KALRN: variants seen among roughly 807,000 people sequenced by gnomAD.
The protein encoded by KALRN is kalirin.
Under a neutral mutation model 353.7 loss-of-function variants are expected in KALRN, and 70 were observed. The ratio of observed to expected loss-of-function variants is 0.20; its 90% CI spans 0.16 to 0.24. The LOEUF (loss-of-function observed/expected upper bound fraction) is 0.24. KALRN is among the 10% of genes least tolerant of loss of function. The probability of loss-of-function intolerance (pLI) is 1.00; values close to 1 mark genes in which losing one functional copy is unlikely to be tolerated. For synonymous variants in KALRN, 1,391 were observed against 1,434.8 expected (o/e 0.97, Z 0.69); for missense variants, 2,791 against 3,756.7 (o/e 0.74, Z 6.72).
intron 1 of KALRN, among the ~76,000 whole-genome samples, chr3:124,064,438 G>A (rs2149231144): frequency 6.6e-6 from 1 of 152,294 alleles, no homozygotes; most frequent in East Asian, 1.9e-4. Context: ...AGGCAGGGCA[G>A]CCTTGATGAA....
rs1003647695 is a variant in KALRN at position 124,334,834 on chromosome 3, G to A, written c.1647+339G>A. Among the ~76,000 whole-genome samples the A allele has an allele frequency of 3.3e-5, 5 of 152,114 alleles. No homozygotes were observed. The highest frequency in any genetic ancestry group is 1.9e-4 in the East Asian group (1 of 5,192). ...TTTGGAAACAGAGTCTCGCTCTGCCGCCTGGGCTGGAGTATAGTGGTGTGA... is the reference window on the plus strand; with the variant it reads ...TTTGGAAACAGAGTCTCGCTCTGCCACCTGGGCTGGAGTATAGTGGTGTGA... On this transcript the variant is annotated intron_variant, in intron 9 of 59. Transcript: ENST00000682506. The surrounding 1 kb of genome is among the most constrained non-coding windows in gnomAD (Gnocchi z 4.2).
chr3:124,154,265 A>G lies in KALRN; in HGVS notation c.74-73725A>G, dbSNP rs148304203. 5.2e-3 allele frequency among the ~76,000 whole-genome samples: 785 copies of G among 152,334 alleles called. 6 individuals carry two copies. Among genetic ancestry groups the G allele is most frequent in the African/African-American group, 0.017 (713 of 41,574 alleles). ...AGTGTTGGAAGTTCTGGCCAGGGCA[A>G]TTAGGCAGGAGAAGGAAATAAAGGG... On this transcript the variant is annotated intron_variant, in intron 1 of 59. Coordinates refer to ENST00000682506, the MANE Select transcript of KALRN (RefSeq NM_001388419.1).
intron 10 of KALRN, among the ~76,000 whole-genome samples, chr3:124,354,076 A>T (rs546404592): frequency 6.6e-6 from 1 of 152,206 alleles, no homozygotes; most frequent in Non-Finnish European, 1.5e-5. Flanking sequence ...AAATTGGGAG[A>T]GGGCAGGAGC....
At chr3:124,696,669 C>T (rs1056667908) in intron 54 of KALRN, among the ~76,000 whole-genome samples, 4 of 152,082 alleles carry the variant, frequency 2.6e-5, no homozygotes, top group Non-Finnish European at 5.9e-5. Context: ...GCATGAGCCA[C>T]TGTGCCCATC....
chr3:124,503,312 C>A (rs1341264128), intron 33 of KALRN, among the ~76,000 whole-genome samples: 1 of 152,124 alleles, frequency 6.6e-6, no homozygotes, highest in Admixed American at 6.5e-5. Flanking sequence ...GAGTCTCAGT[C>A]ACATCCCACA....
chr3:124,272,910 A>C (rs1254780316), intron 5 of KALRN, among the ~76,000 whole-genome samples: 1 of 152,152 alleles, frequency 6.6e-6, no homozygotes, highest in Admixed American at 6.5e-5. Flanking sequence ...TCCACATCTA[A>C]ACAAGGGCTT....
intron 33 of KALRN, among the ~76,000 whole-genome samples, chr3:124,525,025 G>T (rs1277834221): frequency 6.6e-6 from 1 of 152,222 alleles, no homozygotes; most frequent in East Asian, 1.9e-4. Flanking sequence ...GGGTAGATAT[G>T]CAGCTGGTTC....
chr3:124,476,220 T>C (rs1400369641), intron 26 of KALRN, among the ~76,000 whole-genome samples: 1 of 151,686 alleles, frequency 6.6e-6, no homozygotes, highest in Admixed American at 6.6e-5. Context: ...TTGTTATGTA[T>C]TGAAAGGCAG....
chr3:124,500,731 A>G (rs1255989986), intron 33 of KALRN, among the ~76,000 whole-genome samples: 1 of 152,224 alleles, frequency 6.6e-6, no homozygotes. Context: ...CCAAGGGGCA[A>G]ACAGGTGTGC....
intron 37 of KALRN, among the ~76,000 whole-genome samples, chr3:124,642,806 G>GTTTTTTTTTGTTGTTGTTTT (rs2082205721): frequency 1.0e-5 from 1 of 96,840 alleles, no homozygotes; most frequent in African/African-American, 4.5e-5. Flanking sequence ...CCCAAGCCTC[G>GTTTTTTTTTGTTGTTGTTTT]TTTTTTTTTT....
At chr3:124,669,070 T>C (rs1578828679) in intron 47 of KALRN, among the ~76,000 whole-genome samples, 1 of 152,340 alleles carries the variant, frequency 6.6e-6, no homozygotes, top group East Asian at 1.9e-4. Context: ...ACATGGTTTT[T>C]CACATTTAAT....
At chr3:124,146,329 T>A (rs1434107496) in intron 1 of KALRN, among the ~76,000 whole-genome samples, 1 of 152,236 alleles carries the variant, frequency 6.6e-6, no homozygotes, top group Non-Finnish European at 1.5e-5. Flanking sequence ...AGTAATTTTA[T>A]GTCTGTTGAA....
intron 26 of KALRN, among the ~76,000 whole-genome samples, chr3:124,475,374 T>TAGAA (rs1447906546): frequency 2.6e-5 from 4 of 152,224 alleles, no homozygotes; most frequent in Non-Finnish European, 4.4e-5. Flanking sequence ...TACCAGATTC[T>TAGAA]AATTATATAA....
intron 1 of KALRN, among the ~76,000 whole-genome samples, chr3:124,106,851 G>GT (rs36113971): frequency 0.6 from 90,951 of 152,050 alleles, 30,092 homozygotes; most frequent in Non-Finnish European, 0.75. Flanking sequence ...TGTAGTCATT[G>GT]TATGTGGACA....
At chr3:124,485,737 A>C (rs1232861175) in intron 28 of KALRN, among the ~76,000 whole-genome samples, 1 of 152,144 alleles carries the variant, frequency 6.6e-6, no homozygotes, top group Admixed American at 6.6e-5. Context: ...AAAATTGCCC[A>C]GTCGTGGTGG....
At chr3:124,568,606 T>C (rs888523804) in intron 34 of KALRN, among the ~76,000 whole-genome samples, 5 of 152,168 alleles carry the variant, frequency 3.3e-5, no homozygotes, top group Admixed American at 6.5e-5. Context: ...GCAACCCCAG[T>C]GTCCAGCAAC....
intron 28 of KALRN, among the ~76,000 whole-genome samples, chr3:124,483,155 T>C (rs1322396814): frequency 1.3e-5 from 2 of 152,252 alleles, no homozygotes; most frequent in Non-Finnish European, 2.9e-5. Flanking sequence ...GCACAGCTTT[T>C]AGCAATTGCC....
intron 1 of KALRN, among the ~76,000 whole-genome samples, chr3:124,189,414 G>A (rs559432781): frequency 1.3e-5 from 2 of 152,118 alleles, no homozygotes; most frequent in South Asian, 4.1e-4. Context: ...CAGGAGTTTT[G>A]AAAAAGGGAC....
At chr3:124,681,115 C>T (rs1408782460) in intron 51 of KALRN, among the ~76,000 whole-genome samples, 2 of 152,154 alleles carry the variant, frequency 1.3e-5, no homozygotes, top group Non-Finnish European at 2.9e-5. Context: ...GGACCTTGTC[C>T]AGTTCTTGTG....
Sources: gnomAD v4.1 joint callset for allele counts (sites outside exome capture counted in the v4.1 genomes callset) on GRCh38, gnomAD v4.1.1 for gene constraint, Gnocchi (gnomAD v3.1) non-coding constraint, MANE v1.5 for transcripts, NCBI Gene and HGNC (gene_info 2026-07-23, HGNC 2026-07-21) for gene names.